Variants in ITGAD observed in about 807,000 individuals in gnomAD.
ITGAD encodes integrin subunit alpha D.
Under a neutral mutation model 139.0 loss-of-function variants are expected in ITGAD, and 105 were observed. The ratio of observed to expected loss-of-function variants is 0.76; its 90% CI spans 0.65 to 0.89. The LOEUF (loss-of-function observed/expected upper bound fraction) is 0.89. ITGAD is among the 40% of genes least tolerant of loss of function. ITGAD has a pLI of 0.00. For missense variants in ITGAD, 1,384 were observed against 1,487.3 expected (o/e 0.93, Z 1.14); for synonymous variants, 569 against 598.3 (o/e 0.95, Z 0.71).
rs548914770 is a variant in ITGAD, at chr16:31,407,372, C to T, written c.705-143C>T. On this transcript the variant is annotated intron_variant, in intron 7 of 29. Transcript: ENST00000389202. ...CTCTGTCTCAAAAGAAAACCCAAAA[C>T]GGCAAAATCAATTCCTTAACATGCC... 312 of 803,848 alleles carry T rather than the reference C, an allele frequency of 3.9e-4. 5 individuals carry two copies. In the South Asian group the frequency reaches 4.4e-3, roughly 11 times the overall value. 49.8% of individuals were successfully genotyped at this position (803,848 alleles called of 1,614,324 possible). A position where few individuals can be genotyped will look rare whatever the true frequency, so the allele number is the denominator to read the frequency against.
At chr16:31,415,079 A>G (rs1265430302) in intron 18 of ITGAD, 88 bp downstream of exon 18, 118 of 1,478,244 alleles carry the variant, frequency 8.0e-5, no homozygotes, top group Non-Finnish European at 1.0e-4. Flanking sequence ...CCAACACCCA[A>G]CCACATCCAG....
chr16:31,403,635 C>G lies in ITGAD; in HGVS notation c.694C>G (p.Leu232Val), dbSNP rs1397999824. ...KGLTFTATGI[L>V]TVVTQLFHHK... ...CCTGACGTTCACGGCCACGGGCATC[C>G]TGACAGTGGTGTAAGCAACCCCGAC... The change falls in exon 7 of 30, where the codon CTG (leucine) becomes GTG (valine). Residue 232 changes from leucine (L) to valine (V), a missense_variant. Leu to Val is a conservative substitution (Grantham distance 32). Coordinates refer to ENST00000389202, the MANE Select transcript of ITGAD (RefSeq NM_005353.3). The surrounding 1 kb of genome is among the most constrained non-coding windows in gnomAD (Gnocchi z 4.4). 9 of 1,614,038 alleles carry G rather than the reference C, an allele frequency of 5.6e-6. No homozygotes were observed. Among genetic ancestry groups the G allele is most frequent in the Non-Finnish European group, 7.6e-6 (9 of 1,180,030 alleles).
Position 31,403,609 on chromosome 16 carries a change from G to T in ITGAD, c.668G>T (p.Gly223Val), listed in dbSNP as rs184577157. Residue 223 changes from glycine (G) to valine (V), a missense_variant, in exon 7 of 30, where the codon GGC becomes GTC. Transcript: ENST00000389202. This position sits in a 1 kb window ranked among gnomAD's most constrained non-coding sequence, Gnocchi z 4.4. ...SLVDPIVQLK[G>V]LTFTATGILT... ...GTGGATCCCATCGTCCAACTGAAAGGCCTGACGTTCACGGCCACGGGCATC... is the reference window on the plus strand; with the variant it reads ...GTGGATCCCATCGTCCAACTGAAAGTCCTGACGTTCACGGCCACGGGCATC... The T allele has an allele frequency of 2.5e-6, 4 of 1,614,110 alleles. No individual in the cohort carries two copies. The African/African-American group carries it at 4.0e-5, about 16-fold the overall frequency.
rs201389252 is a variant in ITGAD, at chr16:31,408,411, C to G, written c.1010-14C>G. The stretch of plus-strand genomic sequence containing the variant: ...CATGGCTTCTAGGAACTTCACTGAC[C>G]TGTTTCCCCACAGGAACCCAGTCCA... On this transcript the variant is annotated splice_polypyrimidine_tract_variant and intron_variant, in intron 9 of 29. Transcript: ENST00000389202. 1.9e-6 allele frequency: 3 copies of G among 1,612,914 alleles called. No individual in the cohort carries two copies. The highest frequency in any genetic ancestry group is 2.7e-5 in the African/African-American group (2 of 75,024).
intron 10 of ITGAD, 57 bp downstream of exon 10, chr16:31,408,555 TGGGCTGG>T: frequency 6.7e-7 from 1 of 1,488,128 alleles, no homozygotes; most frequent in Non-Finnish European, 9.4e-7. Flanking sequence ...GCACCCACCC[TGGGCTGG>T]GGGCTGGGAG....
intron 7 of ITGAD, among the ~76,000 whole-genome samples, chr16:31,405,172 GATGGGGTTTCACC>G (rs1043578325): frequency 1.3e-5 from 2 of 152,146 alleles, no homozygotes; most frequent in African/African-American, 4.8e-5. Context: ...TTTTAGTAGA[GATGGGGTTTCACC>G]ATGTTGGCCA....
At chr16:31,423,005 G>C (rs537648305) in intron 23 of ITGAD, 109 bp from the exon 24 acceptor site, 1 of 869,120 alleles carries the variant, frequency 1.2e-6, no homozygotes, top group African/African-American at 1.6e-5. Flanking sequence ...AATGTCCATC[G>C]TTATTTCCCT....
chr16:31,411,664 T>G, intron 14 of ITGAD, 147 bp downstream of exon 14: 1 of 796,892 alleles, frequency 1.3e-6, no homozygotes, highest in Admixed American at 2.6e-5. Flanking sequence ...CTCTCCTTTG[T>G]TCCAGAAAGC....
In ITGAD at chr16:31,423,426, TG is replaced by T; in HGVS notation, c.2935del (p.Val979CysfsTer28). ...TTCCTGTCCTGCTGAACGGGGTGGCTGTGTGGGATGTGGTCATGGAGGCCCC... is the reference window on the plus strand; with the variant it reads ...TTCCTGTCCTGCTGAACGGGGTGGCTTGTGGGATGTGGTCATGGAGGCCCC... Reference protein sequence around the residue: ...WVPVLLNGVAVWDVVMEAPSQ... With the variant: ...WVPVLLNGVAXWDVVMEAPSQ... On this transcript the variant is annotated frameshift_variant, in exon 25 of 30. Transcript: ENST00000389202. LOFTEE classifies it high-confidence loss of function. 1 of 1,614,154 alleles carries T rather than the reference TG, an allele frequency of 6.2e-7. No individual in the cohort carries two copies. The highest frequency in any genetic ancestry group is 8.5e-7 in the Non-Finnish European group (1 of 1,180,024).
chr16:31,422,346 A>G (rs1385047502), intron 23 of ITGAD, among the ~76,000 whole-genome samples: 1 of 152,166 alleles, frequency 6.6e-6, no homozygotes, highest in East Asian at 1.9e-4. Context: ...TGTTTGCTGA[A>G]GGAAGTTTGG....
At chr16:31,411,821 T>C (rs1462630606) in intron 14 of ITGAD, among the ~76,000 whole-genome samples, 1 of 152,208 alleles carries the variant, frequency 6.6e-6, no homozygotes, top group African/African-American at 2.4e-5. Context: ...TTTCTTTCTA[T>C]AAAACGCAGA....
chr16:31,418,227 C>A (rs776503199), intron 21 of ITGAD, 36 bp downstream of exon 21: 98 of 1,605,822 alleles, frequency 6.1e-5, no homozygotes, highest in Non-Finnish European at 8.1e-5. Context: ...TCACTGTCCT[C>A]CCTTGTCCCA....
At chr16:31,398,290 G>T (rs2081321834) in intron 5 of ITGAD, among the ~76,000 whole-genome samples, 1 of 151,842 alleles carries the variant, frequency 6.6e-6, no homozygotes, top group South Asian at 2.1e-4. Flanking sequence ...AGCAGGATGT[G>T]GTGGTGTGCG....
At chr16:31,423,752 C>T in intron 26 of ITGAD, 93 bp from the exon 27 acceptor site, 3 of 1,523,318 alleles carry the variant, frequency 2.0e-6, no homozygotes, top group Non-Finnish European at 2.7e-6. Context: ...TGTAACTGCT[C>T]ATCTGTTCCC....
At chr16:31,400,916 T>C (rs544328398) in intron 5 of ITGAD, among the ~76,000 whole-genome samples, 26 of 152,128 alleles carry the variant, frequency 1.7e-4, no homozygotes, top group Non-Finnish European at 2.6e-4. Context: ...GGGAATATTC[T>C]TGGGCACCGC....
intron 23 of ITGAD, among the ~76,000 whole-genome samples, chr16:31,422,523 G>A (rs1017235973): frequency 1.3e-5 from 2 of 152,148 alleles, no homozygotes; most frequent in African/African-American, 4.8e-5. Context: ...GAGTGATCCA[G>A]CTCTCATTCC....
At position 31,411,426 on chromosome 16, in the gene ITGAD, C is replaced by T. The variant is rs755544947; in HGVS notation, c.1616C>T (p.Ala539Val). 4 of 1,613,886 alleles carry T rather than the reference C, an allele frequency of 2.5e-6. No homozygotes were observed. The South Asian group carries it at 4.4e-5, about 18-fold the overall frequency. The change falls in exon 14 of 30, where the codon GCC becomes GTC. Residue 539 changes from alanine (A) to valine (V), a missense_variant. Transcript: ENST00000389202. ...AATGAGGACAAGCTGATAGACGTGG[C>T]CATTGGGGCCCCGGGAGAGCAGGAG... ...DVNEDKLIDVAIGAPGEQENR... is the reference protein window; with the variant it reads ...DVNEDKLIDVVIGAPGEQENR...
chr16:31,406,679 G>A (rs920860927), intron 7 of ITGAD, among the ~76,000 whole-genome samples: 10 of 152,124 alleles, frequency 6.6e-5, no homozygotes, highest in Non-Finnish European at 1.2e-4. Context: ...TTCTCTCATC[G>A]TGGCTCAGGG....
chr16:31,395,162 CA>C (rs1201209052), intron 2 of ITGAD, among the ~76,000 whole-genome samples: 1 of 151,470 alleles, frequency 6.6e-6, no homozygotes, highest in Admixed American at 6.6e-5. Flanking sequence ...ACTAAAAATG[CA>C]AAAAAAATTA....
Sources: gnomAD v4.1 joint callset for allele counts (sites outside exome capture counted in the v4.1 genomes callset) on GRCh38, gnomAD v4.1.1 for gene constraint, Gnocchi (gnomAD v3.1) non-coding constraint, MANE v1.5 for transcripts, NCBI Gene and HGNC (gene_info 2026-07-23, HGNC 2026-07-21) for gene names.